LRP4: variants seen among roughly 807,000 people sequenced by gnomAD.
The protein encoded by LRP4 is low-density lipoprotein receptor-related protein 4.
In LRP4, 95 loss-of-function variants were observed where a neutral mutation model predicts 220.3. The ratio of observed to expected loss-of-function variants is 0.43; its 90% CI spans 0.37 to 0.51. LRP4 has a LOEUF of 0.51. Ranked by LOEUF, LRP4 falls within the 20% of genes least tolerant of loss-of-function variation. LRP4 has a pLI of 0.00. For synonymous variants in LRP4, 903 were observed against 954.6 expected (o/e 0.95, Z 1.00); for missense variants, 1,925 against 2,567.0 (o/e 0.75, Z 5.40).
Position 46,875,564 on chromosome 11 carries a change from G to T in LRP4, c.3817C>A (p.Arg1273=), listed in dbSNP as rs61746928. The T allele has an allele frequency of 3.0e-3, 4,799 of 1,614,078 alleles. 23 individuals are homozygous for T. Among genetic ancestry groups the T allele is most frequent in the Middle Eastern group, 5.0e-3 (30 of 6,060 alleles). ...CCCTTGTCAGCACGGTGGATGCTCC[G>T]AGTCTGCCAGTCAGTCCAGTAGATA... ...SYIYWTDWQT[R]SIHRADKGTG... The change falls in exon 27 of 38, where the codon CGG becomes AGG. Residue 1273 remains arginine (R), a synonymous_variant. Transcript: ENST00000378623. This position sits in a 1 kb window ranked among gnomAD's most constrained non-coding sequence, Gnocchi z 4.5.
chr11:46,912,144 G>A (rs943378414), intron 1 of LRP4, among the ~76,000 whole-genome samples: 1 of 152,142 alleles, frequency 6.6e-6, no homozygotes, highest in Non-Finnish European at 1.5e-5. Flanking sequence ...GTTAGCCATC[G>A]CACCTGGCCA....
At chr11:46,903,866 G>A (rs1401020809) in intron 1 of LRP4, among the ~76,000 whole-genome samples, 1 of 152,208 alleles carries the variant, frequency 6.6e-6, no homozygotes, top group African/African-American at 2.4e-5. Flanking sequence ...AGGAAGGCTG[G>A]CAGATGCAGC....
rs753496184 is a variant in LRP4 at position 46,869,013 on chromosome 11, G to A, written c.4812C>T (p.Ile1604=). Residue 1604 remains isoleucine (I), a synonymous_variant, in exon 32 of 38, where the codon ATC becomes ATT. Transcript: ENST00000378623. The part of the protein sequence containing the change: ...LANVEGLMDI[I]VVSPQRQTGT... ...CTGTCTGCCGCTGAGGGGAAACCAC[G>A]ATGATATCCATGAGTCCTTCCACAT... 17 of 1,614,034 alleles carry A rather than the reference G, an allele frequency of 1.1e-5. No individual in the cohort carries two copies. The highest frequency in any genetic ancestry group is 8.3e-5 in the Admixed American group (5 of 60,006).
rs538253747 is a variant in LRP4, at chr11:46,898,486, G to A, written c.796+72C>T. Reference sequence around the variant, plus strand: ...TAAGCATGAGCCACCGCGCCCAGCCGGTAGTGGCCTCTTTGGCTCCACAAG... The same window carrying A: ...TAAGCATGAGCCACCGCGCCCAGCCAGTAGTGGCCTCTTTGGCTCCACAAG... On this transcript the variant is annotated intron_variant, in intron 7 of 37. Transcript: ENST00000378623. 70 of 1,600,296 alleles carry A rather than the reference G, an allele frequency of 4.4e-5. No individual in the cohort carries two copies. The African/African-American group carries it at 5.5e-4, about 13-fold the overall frequency.
At chr11:46,888,944 A>G (rs1312702419) in intron 16 of LRP4, among the ~76,000 whole-genome samples, 2 of 152,242 alleles carry the variant, frequency 1.3e-5, no homozygotes, top group African/African-American at 4.8e-5. Flanking sequence ...GGAAGATCCC[A>G]TGATCTTCCA....
intron 20 of LRP4, among the ~76,000 whole-genome samples, chr11:46,879,978 G>A (rs1481480607): frequency 2.0e-5 from 3 of 152,152 alleles, no homozygotes; most frequent in African/African-American, 2.4e-5. Context: ...GGTAGCGGGT[G>A]CCTATAATCC....
In LRP4 at chr11:46,903,222, C is replaced by G. The variant is rs535499674; in HGVS notation, c.53-293G>C. ...CAGATGATGCCACCTAGGCTAGGCA[C>G]AGTGGCTCATACCTATATCACAGCA... On this transcript the variant is annotated intron_variant, in intron 1 of 37. Coordinates refer to ENST00000378623, the MANE Select transcript of LRP4 (RefSeq NM_002334.4). Among the ~76,000 whole-genome samples, 87 of 152,266 alleles carry G rather than the reference C, an allele frequency of 5.7e-4. 1 individual carries two copies. The highest frequency in any genetic ancestry group is 5.0e-4 in the Non-Finnish European group (34 of 68,026).
intron 20 of LRP4, 45 bp from the exon 21 acceptor site, chr11:46,879,360 G>C: frequency 6.3e-7 from 1 of 1,599,858 alleles, no homozygotes; most frequent in African/African-American, 1.3e-5. Flanking sequence ...AAGTCTGACA[G>C]TACAGAGCAG....
Position 46,871,648 on chromosome 11 carries a change from A to G in LRP4, c.4584-15T>C, listed in dbSNP as rs777314555. On this transcript the variant is annotated splice_polypyrimidine_tract_variant and intron_variant, in intron 30 of 37. Transcript: ENST00000378623. ...CCCAGTAGATCCTGCGAAGAAAATG[A>G]AAAGAGTGGCTGCTCCAAACGCTTG... 5.1e-6 allele frequency: 8 copies of G among 1,561,644 alleles called. No homozygotes were observed. In the African/African-American group the frequency reaches 1.1e-4, roughly 21 times the overall value.
At chr11:46,874,508 G>A in intron 28 of LRP4, 1 of 419,462 alleles carries the variant, frequency 2.4e-6, no homozygotes, top group South Asian at 2.9e-5. Context: ...GGGATTCTTG[G>A]AGCTCCCTCA....
rs767131254 is a variant in LRP4, at chr11:46,881,765, T to G, written c.2751A>C (p.Leu917=). ...TCTTCATGCCGGCGTCAGCCCAGTA[T>G]AGACGCTGGGACCCATAATCAATAG... ...GLAIDYGSQR[L]YWADAGMKTI... Residue 917 remains leucine, a synonymous_variant, in exon 20 of 38, where the codon CTA becomes CTC. Coordinates refer to ENST00000378623, the MANE Select transcript of LRP4 (RefSeq NM_002334.4). 1.2e-6 allele frequency: 2 copies of G among 1,613,994 alleles called. No individual in the cohort carries two copies. The highest frequency in any genetic ancestry group is 1.7e-6 in the Non-Finnish European group (2 of 1,180,040).
At chr11:46,882,915 C>T (rs4752948) in intron 19 of LRP4, among the ~76,000 whole-genome samples, 143,779 of 151,900 alleles carry the variant, frequency 0.95, 68,558 homozygotes, top group East Asian at 1. Flanking sequence ...ACTGGAAAGA[C>T]ACACAAGATA....
At chr11:46,896,128 CT>C in intron 9 of LRP4, 81 bp downstream of exon 9, 1 of 1,611,030 alleles carries the variant, frequency 6.2e-7, no homozygotes, top group Non-Finnish European at 8.5e-7. Context: ...TGCAAGAGTC[CT>C]GAGGGAGGAT....
rs71042635 is a variant in LRP4 at position 46,888,548 on chromosome 11, CAAAAAA to C, written c.2215+857_2215+862del. Among the ~76,000 whole-genome samples the C allele has an allele frequency of 4.7e-3, 146 of 31,310 alleles. 1 individual carries two copies. The highest frequency in any genetic ancestry group is 8.0e-3 in the Non-Finnish European group (112 of 13,914). 20.5% of individuals were successfully genotyped at this position (31,310 alleles called of 152,430 possible). ...AGCCTGGACAAGAGCAAAACTGTCT[CAAAAAA>C]AAAAAAAAAAAAAAAAAAAGAATGC... is the stretch of plus-strand genomic sequence containing the variant. On this transcript the variant is annotated intron_variant, in intron 16 of 37. Transcript: ENST00000378623.
intron 10 of LRP4, 48 bp downstream of exon 10, chr11:46,895,836 G>T: frequency 6.2e-7 from 1 of 1,604,526 alleles, no homozygotes; most frequent in Non-Finnish European, 8.5e-7. Context: ...CCTGTCTGCT[G>T]CCCCTGCTCA....
chr11:46,906,003 T>C (rs531878180), intron 1 of LRP4, among the ~76,000 whole-genome samples: 2 of 151,810 alleles, frequency 1.3e-5, no homozygotes, highest in Admixed American at 6.6e-5. Context: ...ATGAAAGCTG[T>C]GGAAAGGACA....
In LRP4 at chr11:46,902,864, C is replaced by T; in HGVS notation, c.118G>A (p.Gly40Arg). The change falls in exon 2 of 38, where the codon GGA becomes AGA. Residue 40 changes from glycine to arginine, a missense_variant. Gly to Arg is a moderately radical substitution (Grantham distance 125, BLOSUM62 -2). Around this residue, in one of 3 missense-constraint regions of LRP4, gnomAD observed 412 missense variants for 505.4 expected, o/e 0.82. Coordinates refer to ENST00000378623, the MANE Select transcript of LRP4 (RefSeq NM_002334.4). ...SHFTCAVSAL[G>R]ECTCIPAQWQ... ...TGGGCAGGGATGCAGGTACACTCTC[C>T]AAGAGCACTCACTGCACATGTGAAG... is the stretch of plus-strand genomic sequence containing the variant. 6.2e-7 allele frequency: 1 copy of T among 1,614,156 alleles called. No individual in the cohort carries two copies. Among genetic ancestry groups the T allele is most frequent in the Non-Finnish European group, 8.5e-7 (1 of 1,180,038 alleles).
Position 46,890,215 on chromosome 11 carries a change from C to T in LRP4, c.1915+62G>A. 1 of 1,608,026 alleles carries T rather than the reference C, an allele frequency of 6.2e-7. No homozygotes were observed. The highest frequency in any genetic ancestry group is 8.5e-7 in the Non-Finnish European group (1 of 1,174,756). On this transcript the variant is annotated intron_variant, in intron 14 of 37. Coordinates refer to ENST00000378623, the MANE Select transcript of LRP4 (RefSeq NM_002334.4). This position sits in a 1 kb window ranked among gnomAD's most constrained non-coding sequence, Gnocchi z 5.3. ...CTACACAAAACCTCTACCAAGGCTCCTGGGGGGCAGGGACGGGGGCAGGAG... is the reference window on the plus strand; with the variant it reads ...CTACACAAAACCTCTACCAAGGCTCTTGGGGGGCAGGGACGGGGGCAGGAG...
Position 46,858,245 on chromosome 11 carries a change from A to T in LRP4, c.*738T>A, listed in dbSNP as rs1334170059. 1.9e-5 allele frequency: 3 copies of T among 154,104 alleles called. No homozygotes were observed. Among genetic ancestry groups the T allele is most frequent in the African/African-American group, 4.8e-5 (2 of 41,454 alleles). 9.5% of individuals were successfully genotyped at this position (154,104 alleles called of 1,614,324 possible). ...ATTCCTATTAGCCAGTAGCCTTGTG[A>T]TAGGGGACCCAGTTATCTGAATGTA... is the stretch of plus-strand genomic sequence containing the variant. On this transcript the variant is annotated 3_prime_UTR_variant, in exon 38 of 38. Transcript: ENST00000378623.
Sources: gnomAD v4.1 joint callset for allele counts (sites outside exome capture counted in the v4.1 genomes callset) on GRCh38, gnomAD v4.1.1 for gene constraint, gnomAD v4.1.1 regional missense constraint, Gnocchi (gnomAD v3.1) non-coding constraint, MANE v1.5 for transcripts, NCBI Gene and HGNC (gene_info 2026-07-23, HGNC 2026-07-21) for gene names.